The following MELK variants were observed in gnomAD, a reference collection of about 807,000 sequenced individuals.
MELK encodes the protein maternal embryonic leucine zipper kinase.
A neutral mutation model predicts 85.0 loss-of-function variants in MELK; 81 were observed. The observed-to-expected ratio is 0.95, with a 90% CI of 0.80 to 1.15. The LOEUF is 1.15. Ranked by LOEUF, MELK falls within the 50% of genes most tolerant of loss-of-function variation. The pLI, the probability that MELK is intolerant of heterozygous loss-of-function variation, is 0.00. For synonymous variants in MELK, 252 were observed against 265.0 expected, an observed-to-expected ratio of 0.95 and a Z score of 0.48; for missense variants, 754 against 777.5, an observed-to-expected ratio of 0.97 and a Z score of 0.36.
At chr9:36,673,691 G>T (rs1371955932) in intron 16 of MELK, among the ~76,000 whole-genome samples, 1 of 152,122 alleles carries the variant, frequency 6.6e-6, no homozygotes, top group Non-Finnish European at 1.5e-5. Context: ...CCAAAGTGCT[G>T]GGATTACAGT....
At chr9:36,656,116 A>T (rs1831215095) in intron 12 of MELK, among the ~76,000 whole-genome samples, 1 of 152,126 alleles carries the variant, frequency 6.6e-6, no homozygotes, top group Admixed American at 6.6e-5. Flanking sequence ...GAAAGAACAG[A>T]AGTTATTTTG....
intron 16 of MELK, among the ~76,000 whole-genome samples, chr9:36,673,772 AC>A (rs559300308): frequency 9.1e-4 from 139 of 152,320 alleles, no homozygotes; most frequent in African/African-American, 3.0e-3. Flanking sequence ...ATTATATATA[AC>A]ATCTGTGAAA....
intron 10 of MELK, among the ~76,000 whole-genome samples, chr9:36,639,927 G>A (rs1352699260): frequency 6.6e-6 from 1 of 152,186 alleles, no homozygotes; most frequent in Non-Finnish European, 1.5e-5. Flanking sequence ...GAGCAGTGTT[G>A]ACATCAACAA....
chr9:36,638,102 C>G (rs186537003), intron 10 of MELK, among the ~76,000 whole-genome samples: 5 of 152,168 alleles, frequency 3.3e-5, no homozygotes, highest in Non-Finnish European at 7.4e-5. Flanking sequence ...GAGGGCTTTG[C>G]ACATCTTCTC....
intron 16 of MELK, 99 bp downstream of exon 16, chr9:36,671,265 T>C: frequency 7.9e-7 from 1 of 1,261,226 alleles, no homozygotes; most frequent in East Asian, 2.8e-5. Context: ...GTGTTTTTTA[T>C]TTGAGTATTT....
intron 9 of MELK, among the ~76,000 whole-genome samples, chr9:36,632,079 A>T (rs1385186424): frequency 6.6e-6 from 1 of 152,252 alleles, no homozygotes; most frequent in Non-Finnish European, 1.5e-5. Context: ...ACTTCAGCAG[A>T]TATCAAAATT....
At chr9:36,633,308 C>A in intron 10 of MELK, 108 bp downstream of exon 10, 1 of 759,474 alleles carries the variant, frequency 1.3e-6, no homozygotes, top group Non-Finnish European at 2.1e-6. Flanking sequence ...ATATATTAAT[C>A]AGATTGGTGT....
intron 16 of MELK, among the ~76,000 whole-genome samples, chr9:36,671,503 C>G (rs1016259585): frequency 5.9e-5 from 9 of 151,996 alleles, no homozygotes; most frequent in African/African-American, 2.2e-4. Context: ...CAGTTGTGTC[C>G]CTGATTCATG....
chr9:36,640,759 C>T lies in MELK; in HGVS notation c.835-2238C>T, dbSNP rs548515127. ...GCCATTGTACTTTGGCCTGGGGCCT[C>T]TTTTATAAGTGTAATAACCCCATTT... is the stretch of plus-strand genomic sequence containing the variant. On this transcript the variant is annotated intron_variant, in intron 10 of 17. Transcript: ENST00000298048. 4.0e-4 allele frequency among the ~76,000 whole-genome samples: 61 copies of T among 152,272 alleles called. 1 individual carries two copies. The South Asian group carries it at 0.012, about 30-fold the overall frequency.
chr9:36,674,932 A>G lies in MELK; in HGVS notation c.1773A>G (p.Gln591=). 1.9e-6 allele frequency: 3 copies of G among 1,572,384 alleles called. No homozygotes were observed. Among genetic ancestry groups the G allele is most frequent in the South Asian group, 1.1e-5 (1 of 90,018 alleles). Residue 591 remains glutamine, a synonymous_variant, in exon 17 of 18, where the codon CAA becomes CAG. Coordinates refer to ENST00000298048, the MANE Select transcript of MELK (RefSeq NM_014791.4). The part of the protein sequence containing the change: ...ILPKKHVDFV[Q]KGYTLKCQTQ... ...CAAAGAAGCATGTTGACTTTGTACAAAAGGGGTAAGAAGCACATTTACAAG... is the reference window on the plus strand; with the variant it reads ...CAAAGAAGCATGTTGACTTTGTACAGAAGGGGTAAGAAGCACATTTACAAG...
chr9:36,651,904 G>T, intron 12 of MELK, 27 bp downstream of exon 12: 2 of 1,602,960 alleles, frequency 1.2e-6, no homozygotes, highest in South Asian at 2.3e-5. Context: ...GTTGTGTCTT[G>T]CCACGTGCCC....
At chr9:36,642,092 A>G (rs1829808954) in intron 10 of MELK, among the ~76,000 whole-genome samples, 1 of 152,058 alleles carries the variant, frequency 6.6e-6, no homozygotes, top group African/African-American at 2.4e-5. Flanking sequence ...AGGTACCATC[A>G]TGTAGGGATT....
intron 17 of MELK, among the ~76,000 whole-genome samples, chr9:36,675,285 A>G (rs1833250848): frequency 6.6e-6 from 1 of 152,170 alleles, no homozygotes; most frequent in Non-Finnish European, 1.5e-5. Flanking sequence ...CTCTGTCTCA[A>G]AAAAAAGAGA....
intron 14 of MELK, among the ~76,000 whole-genome samples, chr9:36,667,565 T>G (rs1205730791): frequency 6.6e-6 from 1 of 152,210 alleles, no homozygotes; most frequent in Non-Finnish European, 1.5e-5. Context: ...AGTTTGGAAT[T>G]TATTTTATAA....
intron 8 of MELK, among the ~76,000 whole-genome samples, chr9:36,616,831 T>C (rs907333199): frequency 1.3e-5 from 2 of 149,538 alleles, no homozygotes; most frequent in Non-Finnish European, 1.5e-5. Flanking sequence ...CAGTTTTTTT[T>C]TTTTTTTTTT....
At chr9:36,595,198 C>T (rs866878776) in intron 5 of MELK, among the ~76,000 whole-genome samples, 79 of 147,270 alleles carry the variant, frequency 5.4e-4, no homozygotes, top group African/African-American at 1.9e-3. Flanking sequence ...TGCAGTGGCG[C>T]GATCTCGGCT....
chr9:36,624,117 T>A (rs1199521082), intron 8 of MELK, among the ~76,000 whole-genome samples: 3 of 148,602 alleles, frequency 2.0e-5, no homozygotes, highest in African/African-American at 7.6e-5. Flanking sequence ...GGAGTCTCGC[T>A]CTGTCGCCCA....
intron 10 of MELK, among the ~76,000 whole-genome samples, chr9:36,640,475 C>T (rs981391927): frequency 1.3e-5 from 2 of 152,066 alleles, no homozygotes; most frequent in Non-Finnish European, 2.9e-5. Flanking sequence ...GAGATAGGGT[C>T]TCATTCTTTT....
At chr9:36,630,717 G>A (rs542040383) in intron 9 of MELK, among the ~76,000 whole-genome samples, 1 of 152,336 alleles carries the variant, frequency 6.6e-6, no homozygotes, top group Non-Finnish European at 1.5e-5. Flanking sequence ...GCAGTGGCGT[G>A]ATCTTGGCTC....
Sources: allele counts gnomAD v4.1 joint callset (sites outside exome capture counted in the v4.1 genomes callset), GRCh38; gene constraint gnomAD v4.1.1; transcripts MANE v1.5; gene names NCBI Gene and HGNC (gene_info 2026-07-23, HGNC 2026-07-21).